The following ATXN1L variants were observed in gnomAD, a reference collection of about 807,000 sequenced individuals.
The protein encoded by ATXN1L is ataxin-1-like.
ATXN1L carries 8 observed loss-of-function variants against 43.4 expected under a neutral mutation model. The ratio of observed to expected loss-of-function variants is 0.18; its 90% confidence interval spans 0.11 to 0.33. The LOEUF (loss-of-function observed/expected upper bound fraction) is 0.33. Among genes scored for constraint, ATXN1L ranks in the 10% least tolerant of loss-of-function variants. The probability of loss-of-function intolerance (pLI) is 1.00; values close to 1 mark genes in which losing one functional copy is unlikely to be tolerated. For synonymous variants in ATXN1L, 379 were observed against 360.6 expected (o/e 1.05, Z -0.58); for missense variants, 856 against 885.4 (o/e 0.97, Z 0.42).
At position 71,850,843 on chromosome 16, in the gene ATXN1L, A is replaced by G. The variant is rs373000860; in HGVS notation, c.1103A>G (p.His368Arg). 108 of 1,551,666 alleles carry G rather than the reference A, an allele frequency of 7.0e-5. No homozygotes were observed. The South Asian group carries it at 8.9e-4, about 13-fold the overall frequency. Residue 368 changes from histidine (H) to arginine (R), a missense_variant, in exon 3 of 3, where the codon CAT (histidine) becomes CGT (arginine). Physicochemically the swap from His to Arg is conservative, Grantham distance 29. This residue lies in a region of ATXN1L where 490 missense variants were observed against 449.4 expected (regional missense o/e 1.09). Coordinates refer to ENST00000427980, the MANE Select transcript of ATXN1L (RefSeq NM_001137675.4). ...CCCAGCCCCCTCAACCTATCCCATC[A>G]TACCCCCGACCATCAGGGTGAGGGG... is the stretch of plus-strand genomic sequence containing the variant. ...EEPSPLNLSH[H>R]TPDHQGEGRG...
intron 1 of ATXN1L, among the ~76,000 whole-genome samples, chr16:71,847,532 T>C (rs2033456174): frequency 6.6e-6 from 1 of 152,078 alleles, no homozygotes; most frequent in East Asian, 1.9e-4. Context: ...AATTGTTCTT[T>C]TTCATCTACT....
intron 2 of ATXN1L, chr16:71,848,295 A>G (rs1957041664): frequency 6.8e-6 from 2 of 293,472 alleles, no homozygotes. Flanking sequence ...ATAAGAGAAA[A>G]GGGAAAGAGA....
At position 71,852,504 on chromosome 16, in the gene ATXN1L, G is replaced by A. The variant is rs960550349; in HGVS notation, c.*694G>A. 6.0e-6 allele frequency: 1 copy of A among 167,182 alleles called. No homozygotes were observed. Among genetic ancestry groups the A allele is most frequent in the African/African-American group, 2.4e-5 (1 of 41,468 alleles). The allele number at this position is 167,182 out of a possible 1,614,324, so 10.4% of individuals were successfully genotyped here. On this transcript the variant is annotated 3_prime_UTR_variant, in exon 3 of 3. Transcript: ENST00000427980. ...GGAGGGAGAGCCCCTTCAGGGTTCA[G>A]AGTGAAGTACTACCTTGCCAGGGAC...
At position 71,855,861 on chromosome 16, in the gene ATXN1L, G is replaced by A. The variant is rs191800631; in HGVS notation, c.*4051G>A. 2 of 167,206 alleles carry A rather than the reference G, an allele frequency of 1.2e-5. No individual in the cohort carries two copies. Among genetic ancestry groups the A allele is most frequent in the East Asian group, 3.9e-4 (2 of 5,188 alleles). The allele number at this position is 167,206 out of a possible 1,614,324, so 10.4% of individuals were successfully genotyped here. ...AAGTGTACACTACAGTTGAGGAGCT[G>A]AACCTTATTAGGTTGGATGTCGATC... On this transcript the variant is annotated 3_prime_UTR_variant, in exon 3 of 3. Coordinates refer to ENST00000427980, the MANE Select transcript of ATXN1L (RefSeq NM_001137675.4).
In ATXN1L at chr16:71,849,676, G is replaced by A. The variant is rs1358663435; in HGVS notation, c.-65G>A. ...AGGGGTACAGGGAAGCTACAGAGAA[G>A]CCCCTTCTGATGCCCCAGGGAGCAA... On this transcript the variant is annotated 5_prime_UTR_variant, in exon 3 of 3. Transcript: ENST00000427980. The A allele has an allele frequency of 6.9e-7, 1 of 1,447,838 alleles. No homozygotes were observed. Among genetic ancestry groups the A allele is most frequent in the Non-Finnish European group, 9.1e-7 (1 of 1,095,994 alleles). The allele number at this position is 1,447,838 out of a possible 1,614,324, so 89.7% of individuals were successfully genotyped here. A position where few individuals can be genotyped will look rare whatever the true frequency, so the allele number is the denominator to read the frequency against.
chr16:71,850,851 G>T lies in ATXN1L; in HGVS notation c.1111G>T (p.Asp371Tyr). The T allele has an allele frequency of 6.4e-7, 1 of 1,551,664 alleles. No individual in the cohort carries two copies. The highest frequency in any genetic ancestry group is 8.7e-7 in the Non-Finnish European group (1 of 1,146,996). Residue 371 changes from aspartate (D) to tyrosine (Y), a missense_variant, in exon 3 of 3, where the codon GAC (aspartate) becomes TAC (tyrosine). Around this residue, in one of 7 missense-constraint regions of ATXN1L, gnomAD observed 490 missense variants for 449.4 expected, o/e 1.09. Transcript: ENST00000427980. ...SPLNLSHHTP[D>Y]HQGEGRGSAR... ...CCTCAACCTATCCCATCATACCCCC[G>T]ACCATCAGGGTGAGGGGCGAGGGTC...
In ATXN1L at chr16:71,853,841, T is replaced by G. The variant is rs1367723635; in HGVS notation, c.*2031T>G. 1 of 167,118 alleles carries G rather than the reference T, an allele frequency of 6.0e-6. No homozygotes were observed. The highest frequency in any genetic ancestry group is 1.5e-5 in the Non-Finnish European group (1 of 68,122). The allele number at this position is 167,118 out of a possible 1,614,324, so 10.4% of individuals were successfully genotyped here. On this transcript the variant is annotated 3_prime_UTR_variant, in exon 3 of 3. Transcript: ENST00000427980. ...GGTCCATCAAAGGAGGTTGCTGACC[T>G]GACCGTGAGTGCTTCAGTATCTGGT...
At position 71,849,727 on chromosome 16, in the gene ATXN1L, C is replaced by T. The variant is rs1311885110; in HGVS notation, c.-14C>T. The T allele has an allele frequency of 3.4e-6, 5 of 1,475,324 alleles. No homozygotes were observed. The East Asian group carries it at 1.0e-4, about 29-fold the overall frequency. The allele number at this position is 1,475,324 out of a possible 1,614,324, so 91.4% of individuals were successfully genotyped here. On this transcript the variant is annotated 5_prime_UTR_variant, in exon 3 of 3. Transcript: ENST00000427980. Reference sequence around the variant, plus strand: ...GTCGACTCCTTCCAGGCTCCAGGAACACCACAAAGCAATATGAAACCTGTT... The same window carrying T: ...GTCGACTCCTTCCAGGCTCCAGGAATACCACAAAGCAATATGAAACCTGTT...
At position 71,850,363 on chromosome 16, in the gene ATXN1L, C is replaced by T. The variant is rs1164569406; in HGVS notation, c.623C>T (p.Ser208Phe). Residue 208 changes from serine to phenylalanine, a missense_variant, in exon 3 of 3, where the codon TCT becomes TTT. Transcript: ENST00000427980. ...AAAGCTCCCTCTGCCACCTCCCCAT[C>T]TGGGCAATTGCCACATCATTCAAGT... Reference protein sequence around the residue: ...FNKAPSATSPSGQLPHHSSTQ... With the variant: ...FNKAPSATSPFGQLPHHSSTQ... The T allele has an allele frequency of 1.3e-6, 2 of 1,551,736 alleles. No individual in the cohort carries two copies. The highest frequency in any genetic ancestry group is 3.9e-5 in the Admixed American group (2 of 51,006).
chr16:71,850,069 T>G lies in ATXN1L; in HGVS notation c.329T>G (p.Phe110Cys). The part of the protein sequence containing the change: ...VVNMSPLPPT[F>C]NVASSLIQHP... Reference sequence around the variant, plus strand: ...AATATGAGTCCCTTGCCCCCAACGTTTAATGTAGCGTCTTCACTAATTCAA... The same window carrying G: ...AATATGAGTCCCTTGCCCCCAACGTGTAATGTAGCGTCTTCACTAATTCAA... Residue 110 changes from phenylalanine (F) to cysteine (C), a missense_variant, in exon 3 of 3, where the codon TTT (phenylalanine) becomes TGT (cysteine). By Grantham distance (205) the Phe-to-Cys change is radical (BLOSUM62 -2). Around this residue, in one of 7 missense-constraint regions of ATXN1L, gnomAD observed 490 missense variants for 449.4 expected, o/e 1.09. Coordinates refer to ENST00000427980, the MANE Select transcript of ATXN1L (RefSeq NM_001137675.4). 6.4e-7 allele frequency: 1 copy of G among 1,551,658 alleles called. No individual in the cohort carries two copies. The highest frequency in any genetic ancestry group is 8.7e-7 in the Non-Finnish European group (1 of 1,146,994).
In ATXN1L at chr16:71,851,416, G is replaced by A. The variant is rs368301080; in HGVS notation, c.1676G>A (p.Arg559Gln). ...GQGWSSCSPG[R>Q]TTQLFSLPCH... is the part of the protein sequence containing the mutation. The stretch of plus-strand genomic sequence containing the variant: ...GGTTGGTCCTCTTGCAGCCCTGGGC[G>A]GACGACACAACTCTTCTCTCTGCCC... Residue 559 changes from arginine (R) to glutamine (Q), a missense_variant, in exon 3 of 3, where the codon CGG (arginine) becomes CAG (glutamine). Coordinates refer to ENST00000427980, the MANE Select transcript of ATXN1L (RefSeq NM_001137675.4). The surrounding 1 kb of genome is among the most constrained non-coding windows in gnomAD (Gnocchi z 4.9). 9.0e-6 allele frequency: 14 copies of A among 1,551,454 alleles called. 1 individual carries two copies. The highest frequency in any genetic ancestry group is 7.1e-5 in the South Asian group (6 of 84,060).
rs1384004797 is a variant in ATXN1L at position 71,852,992 on chromosome 16, AGAAG to A, written c.*1184_*1187del. ...TGCCAAACAGCTTGGTGAAGAAACAAGAAGGGAACTATGCCCTGGGCCAGGGCGA... is the reference window on the plus strand; with the variant it reads ...TGCCAAACAGCTTGGTGAAGAAACAAGGAACTATGCCCTGGGCCAGGGCGA... On this transcript the variant is annotated 3_prime_UTR_variant, in exon 3 of 3. Transcript: ENST00000427980. 1 of 167,152 alleles carries A rather than the reference AGAAG, an allele frequency of 6.0e-6. No individual in the cohort carries two copies. Among genetic ancestry groups the A allele is most frequent in the Non-Finnish European group, 1.5e-5 (1 of 68,182 alleles). The allele number at this position is 167,152 out of a possible 1,614,324, so 10.4% of individuals were successfully genotyped here.
Position 71,850,950 on chromosome 16 carries a change from G to T in ATXN1L, c.1210G>T (p.Val404Leu). Residue 404 changes from valine (V) to leucine (L), a missense_variant, in exon 3 of 3, where the codon GTA becomes TTA. By Grantham distance (32) the Val-to-Leu change is conservative. Coordinates refer to ENST00000427980, the MANE Select transcript of ATXN1L (RefSeq NM_001137675.4). ...CTACCCTCAGTCCCATCAGGAACCA[G>T]TAAAACATAGACCTTTACCCAAAGC... ...GFYPQSHQEP[V>L]KHRPLPKAMV... 6.4e-7 allele frequency: 1 copy of T among 1,551,692 alleles called. No individual in the cohort carries two copies. The highest frequency in any genetic ancestry group is 1.2e-5 in the South Asian group (1 of 84,054).
Position 71,846,058 on chromosome 16 carries a change from C to A in ATXN1L, c.-226C>A. ...ATGGCGGCGGCCGCGGTTGCGGCGG[C>A]TCCGGGACGAGTGAGTGGATCCTGG... is the stretch of plus-strand genomic sequence containing the variant. On this transcript the variant is annotated 5_prime_UTR_variant, in exon 1 of 3. Coordinates refer to ENST00000427980, the MANE Select transcript of ATXN1L (RefSeq NM_001137675.4). 5.2e-6 allele frequency: 1 copy of A among 191,978 alleles called. No individual in the cohort carries two copies. The allele number at this position is 191,978 out of a possible 1,614,324, so 11.9% of individuals were successfully genotyped here.
chr16:71,848,434 C>A, intron 2 of ATXN1L: 1 of 158,548 alleles, frequency 6.3e-6, no homozygotes. Flanking sequence ...AAAGAAAGCA[C>A]AAAGAAAAAA....
rs866133545 is a variant in ATXN1L at position 71,850,722 on chromosome 16, C to T, written c.982C>T (p.Arg328Trp). The T allele has an allele frequency of 2.5e-5, 39 of 1,551,554 alleles. No individual in the cohort carries two copies. In the Middle Eastern group the frequency reaches 5.0e-4, roughly 20 times the overall value. Residue 328 changes from arginine to tryptophan, a missense_variant, in exon 3 of 3, where the codon CGG becomes TGG. Around this residue, in one of 7 missense-constraint regions of ATXN1L, gnomAD observed 490 missense variants for 449.4 expected, o/e 1.09. Coordinates refer to ENST00000427980, the MANE Select transcript of ATXN1L (RefSeq NM_001137675.4). ...GGTAGAGGTAGCAGCACCAGCACAC[C>T]GGGGGACCCCGGACACTGACCTTGA... ...PRVEVAAPAH[R>W]GTPDTDLEVQ...
chr16:71,855,925 C>G lies in ATXN1L; in HGVS notation c.*4115C>G, dbSNP rs58955263. The G allele has an allele frequency of 8.2e-4, 137 of 167,196 alleles. No individual in the cohort carries two copies. The highest frequency in any genetic ancestry group is 3.2e-3 in the African/African-American group (132 of 41,576). 10.4% of individuals were successfully genotyped at this position (167,196 alleles called of 1,614,324 possible). On this transcript the variant is annotated 3_prime_UTR_variant, in exon 3 of 3. Transcript: ENST00000427980. The stretch of plus-strand genomic sequence containing the variant: ...CCCTTTGCTGGGAAGCCTTCACTCT[C>G]CAGCTTTCCTGGGGTAGGGAAGGTC...
intron 1 of ATXN1L, among the ~76,000 whole-genome samples, chr16:71,846,334 G>A (rs2033442252): frequency 6.6e-6 from 1 of 152,238 alleles, no homozygotes; most frequent in African/African-American, 2.4e-5. Context: ...GAGCCAAGGT[G>A]TCCGAGTCTG....
chr16:71,857,015 A>G lies in ATXN1L; in HGVS notation c.*5205A>G, dbSNP rs2142326324. 1 of 167,246 alleles carries G rather than the reference A, an allele frequency of 6.0e-6. No homozygotes were observed. The highest frequency in any genetic ancestry group is 2.1e-4 in the South Asian group (1 of 4,830). The allele number at this position is 167,246 out of a possible 1,614,324, so 10.4% of individuals were successfully genotyped here. A position where few individuals can be genotyped will look rare whatever the true frequency, so the allele number is the denominator to read the frequency against. On this transcript the variant is annotated 3_prime_UTR_variant, in exon 3 of 3. Coordinates refer to ENST00000427980, the MANE Select transcript of ATXN1L (RefSeq NM_001137675.4). ...AACTAGTCAGGTGCTCCCTCCACCCAATACCATTTCTTACCCTCTAATCCT... is the reference window on the plus strand; with the variant it reads ...AACTAGTCAGGTGCTCCCTCCACCCGATACCATTTCTTACCCTCTAATCCT...
Sources: allele counts gnomAD v4.1 joint callset (sites outside exome capture counted in the v4.1 genomes callset), GRCh38; gene constraint gnomAD v4.1.1; regional missense constraint gnomAD v4.1.1; non-coding constraint Gnocchi (gnomAD v3.1); transcripts MANE v1.5; gene names NCBI Gene and HGNC (gene_info 2026-07-23, HGNC 2026-07-21).